MCM10: variants seen among roughly 807,000 people sequenced by gnomAD.
MCM10 encodes protein MCM10 homolog.
Under a neutral mutation model 109.9 loss-of-function variants are expected in MCM10, and 91 were observed. The observed-to-expected ratio is 0.83, with a 90% CI of 0.70 to 0.99. MCM10 has a LOEUF of 0.99. Ranked by LOEUF, MCM10 falls within the 50% of genes least tolerant of loss-of-function variation. The pLI is 0.00. For missense variants in MCM10, 1,077 were observed against 1,061.2 expected (o/e 1.01, Z -0.21); for synonymous variants, 380 against 387.2 (o/e 0.98, Z 0.22).
intron 1 of MCM10, 119 bp from the exon 2 acceptor site, chr10:13,164,009 T>C (rs1833961987): frequency 5.0e-6 from 2 of 403,988 alleles, no homozygotes; most frequent in Non-Finnish European, 8.9e-6. Context: ...ATGGTCAGAT[T>C]CTGGATGAAT....
chr10:13,163,597 T>TGAC (rs1833956191), intron 1 of MCM10, among the ~76,000 whole-genome samples: 1 of 152,022 alleles, frequency 6.6e-6, no homozygotes, highest in Admixed American at 6.6e-5. Flanking sequence ...AGTAGAATCA[T>TGAC]ACAGTAAGCT....
At chr10:13,170,701 T>TG (rs928138903) in intron 2 of MCM10, among the ~76,000 whole-genome samples, 18 of 152,122 alleles carry the variant, frequency 1.2e-4, no homozygotes, top group Non-Finnish European at 1.8e-4. Context: ...TTTGTTTGTT[T>TG]TTTTAGTTTC....
intron 2 of MCM10, among the ~76,000 whole-genome samples, chr10:13,168,071 G>A (rs1304449712): frequency 3.3e-5 from 5 of 152,208 alleles, no homozygotes; most frequent in Non-Finnish European, 7.3e-5. Context: ...AAAGTGAATA[G>A]TATGGGGTCC....
chr10:13,172,870 T>A lies in MCM10; in HGVS notation c.592+105T>A. On this transcript the variant is annotated intron_variant, in intron 5 of 19. Coordinates refer to ENST00000378714, the MANE Select transcript of MCM10 (RefSeq NM_018518.5). The surrounding 1 kb of genome is among the most constrained non-coding windows in gnomAD (Gnocchi z 5.2). The stretch of plus-strand genomic sequence containing the variant: ...TCTGTGTCTTTTGGTCTGTCTTATG[T>A]CCCCATTGAGAAAGAAAGTTTCTTG... 9.4e-7 allele frequency: 1 copy of A among 1,068,948 alleles called. No homozygotes were observed. Among genetic ancestry groups the A allele is most frequent in the Non-Finnish European group, 1.3e-6 (1 of 757,212 alleles). 66.2% of individuals were successfully genotyped at this position (1,068,948 alleles called of 1,614,324 possible).
chr10:13,168,421 C>G (rs1272135661), intron 2 of MCM10, among the ~76,000 whole-genome samples: 1 of 152,182 alleles, frequency 6.6e-6, no homozygotes, highest in Non-Finnish European at 1.5e-5. Context: ...GTTTGCTGAT[C>G]TAGAGATTCC....
chr10:13,188,355 CA>C, intron 9 of MCM10, among the ~76,000 whole-genome samples: 1 of 152,074 alleles, frequency 6.6e-6, no homozygotes, highest in Non-Finnish European at 1.5e-5. Context: ...TTTTAAAATA[CA>C]TATATAATTC....
chr10:13,166,734 A>G (rs925346606), intron 2 of MCM10, among the ~76,000 whole-genome samples: 1 of 148,044 alleles, frequency 6.8e-6, no homozygotes, highest in Non-Finnish European at 1.5e-5. Flanking sequence ...AGGAGGTTTG[A>G]GGAGAGACAG....
intron 17 of MCM10, among the ~76,000 whole-genome samples, chr10:13,202,828 T>C (rs1379420866): frequency 6.6e-6 from 1 of 152,048 alleles, no homozygotes; most frequent in Non-Finnish European, 1.5e-5. Context: ...GCACATTTAT[T>C]GTTATTTTAT....
At position 13,171,145 on chromosome 10, in the gene MCM10, CTT is replaced by C; in HGVS notation, c.233_234del (p.Phe78TrpfsTer9). Reference sequence around the variant, plus strand: ...ACGAAAAGGAAAATCTGGCCACTCTCTTTGGAGATATGGAGGACTTAACAGAT... The same window carrying C: ...ACGAAAAGGAAAATCTGGCCACTCTCTGGAGATATGGAGGACTTAACAGAT... ...RDEKENLATL[F>X]GDMEDLTDEE... On this transcript the variant is annotated frameshift_variant, in exon 3 of 20. Coordinates refer to ENST00000378714, the MANE Select transcript of MCM10 (RefSeq NM_018518.5). LOFTEE classifies it high-confidence loss of function. 1 of 1,614,200 alleles carries C rather than the reference CTT, an allele frequency of 6.2e-7. No homozygotes were observed. The highest frequency in any genetic ancestry group is 8.5e-7 in the Non-Finnish European group (1 of 1,180,034).
chr10:13,187,068 A>G (rs1254028792), intron 9 of MCM10, among the ~76,000 whole-genome samples: 1 of 152,176 alleles, frequency 6.6e-6, no homozygotes, highest in Non-Finnish European at 1.5e-5. Context: ...AACCATCACC[A>G]CTGTGTAATT....
rs902297737 is a variant in MCM10 at position 13,198,914 on chromosome 10, G to A, written c.2238+107G>A. 9 of 771,900 alleles carry A rather than the reference G, an allele frequency of 1.2e-5. 1 individual carries two copies. Among genetic ancestry groups the A allele is most frequent in the South Asian group, 3.4e-5 (2 of 59,478 alleles). 47.8% of individuals were successfully genotyped at this position (771,900 alleles called of 1,614,324 possible). A position where few individuals can be genotyped will look rare whatever the true frequency, so the allele number is the denominator to read the frequency against. ...GTTGTTTGTTTTATTTTGTTTTTCTGAGACAGAGTCTCAGTCTGTGGCCCA... is the reference window on the plus strand; with the variant it reads ...GTTGTTTGTTTTATTTTGTTTTTCTAAGACAGAGTCTCAGTCTGTGGCCCA... On this transcript the variant is annotated intron_variant, in intron 16 of 19. Transcript: ENST00000378714.
At position 13,171,179 on chromosome 10, in the gene MCM10, G is replaced by A. The variant is rs765262535; in HGVS notation, c.265G>A (p.Glu89Lys). 1 of 1,614,198 alleles carries A rather than the reference G, an allele frequency of 6.2e-7. No homozygotes were observed. The highest frequency in any genetic ancestry group is 8.5e-7 in the Non-Finnish European group (1 of 1,180,032). Residue 89 changes from glutamate (E) to lysine (K), a missense_variant, in exon 3 of 20, where the codon GAA becomes AAA. Glu to Lys is a moderately conservative substitution (Grantham distance 56, BLOSUM62 1). Transcript: ENST00000378714. ...GDMEDLTDEE[E>K]VPASQSTENR... ...TATGGAGGACTTAACAGATGAAGAAGAAGTTCCCGCATCACAGTCAACTGA... is the reference window on the plus strand; with the variant it reads ...TATGGAGGACTTAACAGATGAAGAAAAAGTTCCCGCATCACAGTCAACTGA...
At chr10:13,189,619 AGCCC>A (rs1564388412) in intron 10 of MCM10, among the ~76,000 whole-genome samples, 7 of 152,184 alleles carry the variant, frequency 4.6e-5, no homozygotes, top group Non-Finnish European at 1.0e-4. Flanking sequence ...CACTGCTCCC[AGCCC>A]CTCTTTGACT....
At position 13,192,538 on chromosome 10, in the gene MCM10, G is replaced by A. The variant is rs1032157461; in HGVS notation, c.1715G>A (p.Arg572Lys). ...CAGAAGCAGCGGATGTTGGAGATGA[G>A]GAGAAGGAAATCAGAAGAAATACAG... ...KQQKQRMLEM[R>K]RRKSEEIQKR... The change falls in exon 13 of 20, where the codon AGG becomes AAG. Residue 572 changes from arginine (R) to lysine (K), a missense_variant. Coordinates refer to ENST00000378714, the MANE Select transcript of MCM10 (RefSeq NM_018518.5). The A allele has an allele frequency of 1.2e-5, 19 of 1,614,070 alleles. No individual in the cohort carries two copies. The African/African-American group carries it at 2.0e-4, about 17-fold the overall frequency.
chr10:13,197,880 A>T, intron 15 of MCM10, 113 bp downstream of exon 15: 1 of 1,044,936 alleles, frequency 9.6e-7, no homozygotes, highest in Non-Finnish European at 1.4e-6. Flanking sequence ...TTCCTCCTAT[A>T]TAGAATACCT....
rs540627983 is a variant in MCM10, at chr10:13,172,819, T to G, written c.592+54T>G. The stretch of plus-strand genomic sequence containing the variant: ...GCACTATTGTATGTGTTTATGTGTG[T>G]GGGGGTGTTCATGTGTGTGTGGGTG... On this transcript the variant is annotated intron_variant, in intron 5 of 19. Transcript: ENST00000378714. The surrounding 1 kb of genome is among the most constrained non-coding windows in gnomAD (Gnocchi z 5.2). 2.3e-4 allele frequency: 366 copies of G among 1,575,216 alleles called. 2 individuals are homozygous for G. Among genetic ancestry groups the G allele is most frequent in the African/African-American group, 4.3e-4 (32 of 74,188 alleles).
In MCM10 at chr10:13,196,982, T is replaced by G. The variant is rs569614337; in HGVS notation, c.1975-641T>G. ...CTCTGTCTCCCAGGCTGGTGTACAG[T>G]GGTGCAATCACAGCTCACTGAAACC... On this transcript the variant is annotated intron_variant, in intron 14 of 19. Transcript: ENST00000378714. 2.0e-4 allele frequency among the ~76,000 whole-genome samples: 30 copies of G among 152,294 alleles called. No individual in the cohort carries two copies. The South Asian group carries it at 5.8e-3, about 29-fold the overall frequency.
At chr10:13,201,778 G>A in intron 17 of MCM10, 1 of 485,876 alleles carries the variant, frequency 2.1e-6, no homozygotes, top group South Asian at 2.3e-5. Context: ...CCCCAGTTTG[G>A]ATGGGTCCTA....
Position 13,198,673 on chromosome 10 carries a change from GTTCC to G in MCM10, c.2120-13_2120-10del. 1 of 1,556,764 alleles carries G rather than the reference GTTCC, an allele frequency of 6.4e-7. No individual in the cohort carries two copies. The highest frequency in any genetic ancestry group is 8.9e-7 in the Non-Finnish European group (1 of 1,128,324). On this transcript the variant is annotated splice_polypyrimidine_tract_variant and intron_variant, in intron 15 of 19. Coordinates refer to ENST00000378714, the MANE Select transcript of MCM10 (RefSeq NM_018518.5). The stretch of plus-strand genomic sequence containing the variant: ...AATTTCTTGGTCGCTGCTAATGTTT[GTTCC>G]TTGTGCCCTAGCTGAGGATGAATTG...
Sources: allele counts gnomAD v4.1 joint callset (sites outside exome capture counted in the v4.1 genomes callset), GRCh38; gene constraint gnomAD v4.1.1; non-coding constraint Gnocchi (gnomAD v3.1); transcripts MANE v1.5; gene names NCBI Gene and HGNC (gene_info 2026-07-23, HGNC 2026-07-21).